ACIN1: variants seen among roughly 807,000 people sequenced by gnomAD.
The protein encoded by ACIN1 is apoptotic chromatin condensation inducer 1.
ACIN1 carries 16 observed loss-of-function variants against 146.6 expected under a neutral mutation model. That is an observed-to-expected ratio of 0.11 (90% confidence interval 0.07 to 0.17). The LOEUF (loss-of-function observed/expected upper bound fraction) is 0.17, where lower values mean the gene tolerates loss of function less well. Ranked by LOEUF, ACIN1 falls within the 10% of genes least tolerant of loss-of-function variation. ACIN1 has a pLI of 1.00. For synonymous variants in ACIN1, 569 were observed against 582.7 expected (o/e 0.98, Z 0.34); for missense variants, 1,357 against 1,609.3 (o/e 0.84, Z 2.68).
Position 23,079,618 on chromosome 14 carries a change from A to G in ACIN1, c.1717T>C (p.Ser573Pro). 1 of 1,614,148 alleles carries G rather than the reference A, an allele frequency of 6.2e-7. No homozygotes were observed. The highest frequency in any genetic ancestry group is 8.5e-7 in the Non-Finnish European group (1 of 1,180,014). ...ANPRGRPKMGSRSTSESRSRS... is the reference protein window; with the variant it reads ...ANPRGRPKMGPRSTSESRSRS... ...GATCTGGACTCTGATGTTGATCTGG[A>G]GCCCATCTTGGGTCTACCACGAGGG... Residue 573 changes from serine (S) to proline (P), a missense_variant, in exon 6 of 19, where the codon TCC becomes CCC. By Grantham distance (74) the Ser-to-Pro change is moderately conservative. This residue lies in a region of ACIN1 where 771 missense variants were observed against 746.6 expected (regional missense o/e 1.03). Transcript: ENST00000605057.
chr14:23,067,511 G>GGGGGTGGGA lies in ACIN1; in HGVS notation c.2266-1504_2266-1503insTCCCACCCC. The stretch of plus-strand genomic sequence containing the variant: ...CCAGGGGCGCAGGGGGGGCGGGAGG[G>GGGGGTGGGA]AAACGTGTGGGGGGACGCTGCCCAG... On this transcript the variant is annotated intron_variant, in intron 9 of 18. Transcript: ENST00000605057. The surrounding 1 kb of genome is among the most constrained non-coding windows in gnomAD (Gnocchi z 4.6). 1 of 221,752 alleles carries GGGGGTGGGA rather than the reference G, an allele frequency of 4.5e-6. No homozygotes were observed. Among genetic ancestry groups the GGGGGTGGGA allele is most frequent in the Non-Finnish European group, 7.3e-6 (1 of 137,284 alleles). 13.7% of individuals were successfully genotyped at this position (221,752 alleles called of 1,614,324 possible).
chr14:23,081,333 A>T (rs1594774854), intron 5 of ACIN1, among the ~76,000 whole-genome samples: 2 of 152,258 alleles, frequency 1.3e-5, no homozygotes, highest in East Asian at 3.8e-4. Context: ...GTGCTTTAAG[A>T]ATACAGAGCA....
chr14:23,094,923 G>GTT, intron 1 of ACIN1, 52 bp downstream of exon 1: 1 of 1,516,412 alleles, frequency 6.6e-7, no homozygotes, highest in Non-Finnish European at 8.8e-7. Flanking sequence ...GCAGAGGCTC[G>GTT]TCTCTACCGG....
At chr14:23,075,067 G>A (rs1200521425) in intron 8 of ACIN1, among the ~76,000 whole-genome samples, 1 of 152,138 alleles carries the variant, frequency 6.6e-6, no homozygotes, top group East Asian at 1.9e-4. Flanking sequence ...GCTTTTTCAT[G>A]CATCATTTGG....
chr14:23,069,336 T>C (rs2047556660), intron 9 of ACIN1, 140 bp downstream of exon 9: 7 of 1,392,918 alleles, frequency 5.0e-6, no homozygotes, highest in Non-Finnish European at 6.5e-6. Context: ...AATTCTCCCT[T>C]GGCCCTATTC....
In ACIN1 at chr14:23,064,484, A is replaced by G; in HGVS notation, c.2313T>C (p.Ala771=). ...SFKRKISVVS[A]TKGVPAGNSD... is the part of the protein sequence containing the mutation. Reference sequence around the variant, plus strand: ...TGTTTCCAGCTGGCACCCCCTTGGTAGCTGCTGTCCCCAAGAAATAGACCC... The same window carrying G: ...TGTTTCCAGCTGGCACCCCCTTGGTGGCTGCTGTCCCCAAGAAATAGACCC... Residue 771 remains alanine, a synonymous_variant, in exon 11 of 19, where the codon GCT becomes GCC. Coordinates refer to ENST00000605057, the MANE Select transcript of ACIN1 (RefSeq NM_001386863.1). 1 of 1,614,146 alleles carries G rather than the reference A, an allele frequency of 6.2e-7. No homozygotes were observed.
chr14:23,089,923 C>A, intron 4 of ACIN1, 59 bp downstream of exon 4: 1 of 1,477,956 alleles, frequency 6.8e-7, no homozygotes, highest in Non-Finnish European at 9.1e-7. Flanking sequence ...GTGTAACTAC[C>A]TCCCCCCACC....
At chr14:23,064,883 C>A (rs1448197393) in intron 10 of ACIN1, among the ~76,000 whole-genome samples, 3 of 133,298 alleles carry the variant, frequency 2.3e-5, no homozygotes, top group Admixed American at 7.7e-5. Context: ...GGTGACAGAG[C>A]AAGACTCCGT....
intron 12 of ACIN1, among the ~76,000 whole-genome samples, 183 bp from the exon 13 acceptor site, chr14:23,063,760 G>A (rs1287000738): frequency 2.0e-5 from 3 of 152,246 alleles, no homozygotes; most frequent in African/African-American, 7.2e-5. Context: ...TTGCCTTGAG[G>A]AAAACTAAGA....
At position 23,078,145 on chromosome 14, in the gene ACIN1, A is replaced by G; in HGVS notation, c.2123+6T>C. The G allele has an allele frequency of 1.2e-6, 2 of 1,613,668 alleles. No individual in the cohort carries two copies. The highest frequency in any genetic ancestry group is 1.7e-6 in the Non-Finnish European group (2 of 1,179,622). The stretch of plus-strand genomic sequence containing the variant: ...TGTTATACCCCGGTCGAGATATATC[A>G]CTTACACAGTGTGATGAATTCTTTC... On this transcript the variant is annotated splice_donor_region_variant and intron_variant, in intron 8 of 18. Transcript: ENST00000605057.
chr14:23,076,439 G>C (rs1317090697), intron 8 of ACIN1: 2 of 152,128 alleles, frequency 1.3e-5, no homozygotes, highest in Non-Finnish European at 2.9e-5. Flanking sequence ...AATTATCTCA[G>C]TCATAAAATG....
chr14:23,058,663 A>G lies in ACIN1; in HGVS notation c.*485T>C, dbSNP rs1025699841. ...AATTGAACAAAAGGAAAAGGTGGATATAAAGTGGAACCTGTGGGAAAGAGG... is the reference window on the plus strand; with the variant it reads ...AATTGAACAAAAGGAAAAGGTGGATGTAAAGTGGAACCTGTGGGAAAGAGG... On this transcript the variant is annotated 3_prime_UTR_variant, in exon 19 of 19. Transcript: ENST00000605057. 6 of 161,926 alleles carry G rather than the reference A, an allele frequency of 3.7e-5. No homozygotes were observed. The highest frequency in any genetic ancestry group is 1.4e-4 in the African/African-American group (6 of 41,774). 10.0% of individuals were successfully genotyped at this position (161,926 alleles called of 1,614,324 possible).
chr14:23,093,965 G>C (rs1202914321), intron 1 of ACIN1, among the ~76,000 whole-genome samples: 1 of 152,092 alleles, frequency 6.6e-6, no homozygotes, highest in African/African-American at 2.4e-5. Flanking sequence ...TGGTCAAAGG[G>C]TTACCCAGTA....
chr14:23,090,763 C>CT (rs202017462), intron 2 of ACIN1, 130 bp from the exon 3 acceptor site: 8,092 of 649,806 alleles, frequency 0.012, 349 homozygotes, highest in African/African-American at 0.094. Flanking sequence ...TGTTGGAAGG[C>CT]TTTTTTCTAA....
chr14:23,071,682 C>T (rs1457238261), intron 8 of ACIN1: 3 of 951,522 alleles, frequency 3.2e-6, no homozygotes, highest in Middle Eastern at 3.4e-4. Flanking sequence ...CCACAGGGAG[C>T]CGACTGCTGG....
chr14:23,090,218 A>T, intron 3 of ACIN1, 117 bp from the exon 4 acceptor site: 1 of 1,382,588 alleles, frequency 7.2e-7, no homozygotes. Context: ...CATACCAAAA[A>T]GAGCACCGTA....
intron 8 of ACIN1, among the ~76,000 whole-genome samples, chr14:23,073,462 C>T (rs2047717283): frequency 6.6e-6 from 1 of 152,094 alleles, no homozygotes; most frequent in Non-Finnish European, 1.5e-5. Context: ...GGCGGATCAC[C>T]AGCCTGACCA....
At chr14:23,061,971 C>CAA (rs57962360) in intron 16 of ACIN1, among the ~76,000 whole-genome samples, 197 bp downstream of exon 16, 1,548 of 58,560 alleles carry the variant, frequency 0.026, 102 homozygotes, top group African/African-American at 0.088. Context: ...GACTCTGTCT[C>CAA]AAAAAAAAAA....
Position 23,059,009 on chromosome 14 carries a change from T to C in ACIN1, c.*139A>G. On this transcript the variant is annotated 3_prime_UTR_variant, in exon 19 of 19. Transcript: ENST00000605057. ...GTTTGGGGGGAAAAGGATGGCCACT[T>C]TTCCATTTGGTATGTATGTAGGGAT... The C allele has an allele frequency of 1.3e-6, 1 of 791,856 alleles. No individual in the cohort carries two copies. The highest frequency in any genetic ancestry group is 2.0e-6 in the Non-Finnish European group (1 of 497,238). 49.1% of individuals were successfully genotyped at this position (791,856 alleles called of 1,614,324 possible). A position where few individuals can be genotyped will look rare whatever the true frequency, so the allele number is the denominator to read the frequency against.
Sources: gnomAD v4.1 joint callset for allele counts (sites outside exome capture counted in the v4.1 genomes callset) on GRCh38, gnomAD v4.1.1 for gene constraint, gnomAD v4.1.1 regional missense constraint, Gnocchi (gnomAD v3.1) non-coding constraint, MANE v1.5 for transcripts, NCBI Gene and HGNC (gene_info 2026-07-23, HGNC 2026-07-21) for gene names.